CTTNBP2: variants seen among roughly 807,000 people sequenced by gnomAD.
The protein encoded by CTTNBP2 is cortactin binding protein 2.
Under a neutral mutation model 156.9 loss-of-function variants are expected in CTTNBP2, and 108 were observed. That is an observed-to-expected ratio of 0.69 (90% CI 0.59 to 0.81). The LOEUF is 0.81. CTTNBP2 is among the 30% of genes least tolerant of loss of function. The pLI is 0.00. For synonymous variants in CTTNBP2, 767 were observed against 751.8 expected, an observed-to-expected ratio of 1.02 and a Z score of -0.33; for missense variants, 1,924 against 2,035.4, an observed-to-expected ratio of 0.95 and a Z score of 1.05.
At chr7:117,730,679 T>G (rs1023172427) in intron 16 of CTTNBP2, among the ~76,000 whole-genome samples, 2 of 152,206 alleles carry the variant, frequency 1.3e-5, no homozygotes, top group African/African-American at 4.8e-5. Context: ...ACTGGTTTTT[T>G]TCTTGTTATT....
intron 3 of CTTNBP2, 87 bp downstream of exon 3, chr7:117,810,678 T>C (rs2116966160): frequency 1.9e-6 from 2 of 1,035,398 alleles, no homozygotes; most frequent in East Asian, 2.4e-5. Flanking sequence ...TCTGAAAATA[T>C]AATACTGAAG....
chr7:117,743,294 A>G (rs958508040), intron 14 of CTTNBP2, among the ~76,000 whole-genome samples: 9 of 152,224 alleles, frequency 5.9e-5, no homozygotes, highest in Non-Finnish European at 1.3e-4. Context: ...TTTGAGAAGA[A>G]GCAAGATTTT....
chr7:117,772,241 C>T (rs916919004), intron 8 of CTTNBP2, among the ~76,000 whole-genome samples: 1 of 152,156 alleles, frequency 6.6e-6, no homozygotes, highest in Admixed American at 6.5e-5. Flanking sequence ...GTGAATGTGA[C>T]CAGACAGCAG....
intron 1 of CTTNBP2, among the ~76,000 whole-genome samples, chr7:117,864,843 C>T (rs1362752960): frequency 9.3e-6 from 1 of 107,708 alleles, no homozygotes; most frequent in Non-Finnish European, 2.0e-5. Flanking sequence ...TATATTCATT[C>T]TATATTCATA....
chr7:117,843,943 A>G (rs1802420500), intron 2 of CTTNBP2, among the ~76,000 whole-genome samples: 1 of 152,164 alleles, frequency 6.6e-6, no homozygotes, highest in African/African-American at 2.4e-5. Flanking sequence ...TTGAGATGGG[A>G]AGACTATCCC....
In CTTNBP2 at chr7:117,735,315, TGC is replaced by T; in HGVS notation, c.3640_3641del (p.Ala1214ThrfsTer3). 6.2e-7 allele frequency: 1 copy of T among 1,614,070 alleles called. No individual in the cohort carries two copies. Among genetic ancestry groups the T allele is most frequent in the Non-Finnish European group, 8.5e-7 (1 of 1,179,996 alleles). On this transcript the variant is annotated frameshift_variant, in exon 15 of 23. Coordinates refer to ENST00000160373, the MANE Select transcript of CTTNBP2 (RefSeq NM_033427.3). LOFTEE classifies it high-confidence loss of function. ...SLSELLRDFLAPLENRSTESP... is the reference protein window; with the variant it reads ...SLSELLRDFLXPLENRSTESP... ...TTTCAGTGCTGCGATTTTCAAGAGG[TGC>T]CAAAAAGTCCCTCAATAACTCCGAC...
chr7:117,852,963 CT>C (rs1803029637), intron 2 of CTTNBP2, among the ~76,000 whole-genome samples: 1 of 152,118 alleles, frequency 6.6e-6, no homozygotes, highest in Non-Finnish European at 1.5e-5. Context: ...ATCCTATTAG[CT>C]TTACTTTCTC....
chr7:117,840,873 G>A (rs1421011857), intron 2 of CTTNBP2, among the ~76,000 whole-genome samples: 3 of 152,110 alleles, frequency 2.0e-5, no homozygotes, highest in Non-Finnish European at 4.4e-5. Flanking sequence ...CAATACAGCT[G>A]TACTTCAAAA....
At chr7:117,782,546 A>G (rs1388713505) in intron 6 of CTTNBP2, among the ~76,000 whole-genome samples, 1 of 152,230 alleles carries the variant, frequency 6.6e-6, no homozygotes, top group Non-Finnish European at 1.5e-5. Flanking sequence ...AAAACAGTGA[A>G]AAACAAACTT....
At chr7:117,712,850 C>G (rs78486369) in intron 22 of CTTNBP2, among the ~76,000 whole-genome samples, 322 of 152,216 alleles carry the variant, frequency 2.1e-3, no homozygotes, top group African/African-American at 7.3e-3. Context: ...GGCCAAAGAA[C>G]GCCTAGCTTA....
intron 8 of CTTNBP2, among the ~76,000 whole-genome samples, chr7:117,769,831 G>GCAAATCAAAGT (rs1797710502): frequency 6.6e-6 from 1 of 152,158 alleles, no homozygotes. Context: ...GTTAGAACTT[G>GCAAATCAAAGT]CAGTAAATGT....
intron 3 of CTTNBP2, among the ~76,000 whole-genome samples, chr7:117,796,370 A>G (rs1379991504): frequency 1.3e-5 from 2 of 152,234 alleles, no homozygotes; most frequent in African/African-American, 4.8e-5. Context: ...GAGACAAACT[A>G]TGTGTACTTA....
intron 2 of CTTNBP2, among the ~76,000 whole-genome samples, chr7:117,852,923 A>C: frequency 6.6e-6 from 1 of 152,140 alleles, no homozygotes; most frequent in East Asian, 1.9e-4. Context: ...GTGAGGGCTA[A>C]GGTTAGGAGT....
At chr7:117,744,012 ATTTC>A (rs1461898245) in intron 14 of CTTNBP2, among the ~76,000 whole-genome samples, 2 of 151,574 alleles carry the variant, frequency 1.3e-5, no homozygotes, top group African/African-American at 4.9e-5. Context: ...TCTTAATTTC[ATTTC>A]TTTTTTAAAA....
chr7:117,797,121 A>G (rs1563017720), intron 3 of CTTNBP2, among the ~76,000 whole-genome samples: 1 of 152,190 alleles, frequency 6.6e-6, no homozygotes, highest in Non-Finnish European at 1.5e-5. Flanking sequence ...AGTACAATGC[A>G]CTGGTGATAT....
intron 1 of CTTNBP2, among the ~76,000 whole-genome samples, chr7:117,868,900 G>GC (rs977857841): frequency 6.6e-6 from 1 of 152,172 alleles, no homozygotes; most frequent in Non-Finnish European, 1.5e-5. Flanking sequence ...CTATTCTAAA[G>GC]CCTTGCCTAA....
intron 20 of CTTNBP2, 125 bp from the exon 21 acceptor site, chr7:117,719,761 T>A: frequency 1.5e-6 from 1 of 655,882 alleles, no homozygotes; most frequent in Non-Finnish European, 2.4e-6. Context: ...GCCTTTAAAG[T>A]ATTTCATAAA....
chr7:117,736,282 C>T (rs1460838797), intron 14 of CTTNBP2, among the ~76,000 whole-genome samples: 1 of 152,100 alleles, frequency 6.6e-6, no homozygotes, highest in African/African-American at 2.4e-5. Context: ...TGGTGAAACC[C>T]TGCCTGTACA....
intron 2 of CTTNBP2, among the ~76,000 whole-genome samples, chr7:117,852,427 T>C (rs866744801): frequency 3.9e-5 from 6 of 152,222 alleles, no homozygotes; most frequent in South Asian, 2.1e-4. Flanking sequence ...AGCAGTTCCT[T>C]AGTAATTGTG....
Sources: gnomAD v4.1 joint callset for allele counts (sites outside exome capture counted in the v4.1 genomes callset) on GRCh38, gnomAD v4.1.1 for gene constraint, MANE v1.5 for transcripts, NCBI Gene and HGNC (gene_info 2026-07-23, HGNC 2026-07-21) for gene names.